Variants in ARID1B observed in about 807,000 individuals in gnomAD.
The protein encoded by ARID1B is AT-rich interaction domain 1B, also known as AT-rich interactive domain-containing protein 1B.
In ARID1B, 30 loss-of-function variants were observed where a neutral mutation model predicts 212.3. That is an observed-to-expected ratio of 0.14 (90% CI 0.11 to 0.19). ARID1B has a LOEUF of 0.19. ARID1B is among the 10% of genes least tolerant of loss of function. The probability of loss-of-function intolerance (pLI) is 1.00; values close to 1 mark genes in which losing one functional copy is unlikely to be tolerated. For missense variants in ARID1B, 2,891 were observed against 3,204.0 expected, an observed-to-expected ratio of 0.90 and a Z score of 2.36; for synonymous variants, 1,402 against 1,301.7, an observed-to-expected ratio of 1.08 and a Z score of -1.66.
Position 157,123,204 on chromosome 6 carries a change from C to G in ARID1B, c.2582-9824C>G, listed in dbSNP as rs191885846. Among the ~76,000 whole-genome samples, 293 of 149,032 alleles carry G rather than the reference C, an allele frequency of 2.0e-3. 1 individual carries two copies. Among genetic ancestry groups the G allele is most frequent in the African/African-American group, 6.0e-3 (244 of 40,394 alleles). ...TTTCTCTGTCTCTGTCTCTGTCTCTCTCTCAATCTTTCTTTCTCTCCCCCC... is the reference window on the plus strand; with the variant it reads ...TTTCTCTGTCTCTGTCTCTGTCTCTGTCTCAATCTTTCTTTCTCTCCCCCC... On this transcript the variant is annotated intron_variant, in intron 6 of 19. Transcript: ENST00000636930.
intron 2 of ARID1B, among the ~76,000 whole-genome samples, chr6:156,892,765 AACAG>A (rs1788039146): frequency 6.6e-6 from 1 of 152,238 alleles, no homozygotes; most frequent in African/African-American, 2.4e-5. Flanking sequence ...ATTTCATGCA[AACAG>A]ACCATATGGT....
At chr6:156,943,698 C>T (rs1014435151) in intron 4 of ARID1B, 13 of 151,730 alleles carry the variant, frequency 8.6e-5, no homozygotes, top group Non-Finnish European at 1.6e-4. Flanking sequence ...TCTAAAATTA[C>T]GTATATCATT....
intron 15 of ARID1B, among the ~76,000 whole-genome samples, chr6:157,191,250 C>A (rs1029341158): frequency 6.6e-6 from 1 of 151,862 alleles, no homozygotes; most frequent in South Asian, 2.1e-4. Context: ...GGGAACCCGC[C>A]GGCAGAGTGT....
chr6:157,153,078 A>C (rs776679716), intron 8 of ARID1B, among the ~76,000 whole-genome samples: 9 of 152,254 alleles, frequency 5.9e-5, no homozygotes, highest in Non-Finnish European at 1.2e-4. Flanking sequence ...GGTCAAGTAT[A>C]AGATAGTAGA....
At chr6:156,987,303 TTTCTAGTCAG>T (rs1298715022) in intron 4 of ARID1B, among the ~76,000 whole-genome samples, 5 of 152,192 alleles carry the variant, frequency 3.3e-5, no homozygotes, top group Non-Finnish European at 7.3e-5. Flanking sequence ...CTGTTTCCTT[TTTCTAGTCAG>T]TTTTCTAGAT....
At chr6:157,183,546 A>G (rs1032439341) in intron 12 of ARID1B, among the ~76,000 whole-genome samples, 1 of 152,230 alleles carries the variant, frequency 6.6e-6, no homozygotes, top group Non-Finnish European at 1.5e-5. Context: ...AAAAGGTTAA[A>G]ATAATGCCTC....
intron 3 of ARID1B, among the ~76,000 whole-genome samples, chr6:156,916,110 G>A (rs971582196): frequency 6.6e-6 from 1 of 152,132 alleles, no homozygotes; most frequent in East Asian, 1.9e-4. Context: ...AATTAGGATG[G>A]ATCTAGGTGA....
At chr6:156,871,205 G>T (rs1424379487) in intron 2 of ARID1B, among the ~76,000 whole-genome samples, 1 of 152,186 alleles carries the variant, frequency 6.6e-6, no homozygotes, top group African/African-American at 2.4e-5. Context: ...CCAGCCTGTG[G>T]TGTAGAAAAG....
intron 3 of ARID1B, among the ~76,000 whole-genome samples, chr6:156,905,856 C>G (rs1789334382): frequency 6.6e-6 from 1 of 151,952 alleles, no homozygotes; most frequent in East Asian, 1.9e-4. Context: ...AGAATTTTAT[C>G]TTTTGTTATT....
chr6:156,868,285 A>G (rs1341145475), intron 2 of ARID1B, among the ~76,000 whole-genome samples: 1 of 152,218 alleles, frequency 6.6e-6, no homozygotes, highest in East Asian at 1.9e-4. Context: ...CATCACTGAT[A>G]TATGTGGGTG....
intron 3 of ARID1B, among the ~76,000 whole-genome samples, chr6:156,910,650 T>C (rs1789801059): frequency 6.6e-6 from 1 of 152,160 alleles, no homozygotes; most frequent in South Asian, 2.1e-4. Flanking sequence ...GAAAACGCAT[T>C]TTATCCAGTA....
chr6:156,931,420 G>A (rs1791704563), intron 3 of ARID1B, among the ~76,000 whole-genome samples: 1 of 152,130 alleles, frequency 6.6e-6, no homozygotes, highest in African/African-American at 2.4e-5. Flanking sequence ...TCCTGTAGTA[G>A]AAGTGGGATA....
intron 4 of ARID1B, among the ~76,000 whole-genome samples, chr6:157,004,252 C>T (rs189000962): frequency 3.3e-5 from 5 of 152,150 alleles, no homozygotes; most frequent in East Asian, 3.9e-4. Flanking sequence ...GCACATGCTA[C>T]GATGTTTTCC....
intron 1 of ARID1B, among the ~76,000 whole-genome samples, chr6:156,828,959 C>G (rs1321929758): frequency 6.6e-6 from 1 of 152,212 alleles, no homozygotes; most frequent in African/African-American, 2.4e-5. Flanking sequence ...TGTTTTCTCT[C>G]TGCTTATGGT....
chr6:156,991,724 A>G (rs1055036646), intron 4 of ARID1B, among the ~76,000 whole-genome samples: 1 of 152,250 alleles, frequency 6.6e-6, no homozygotes, highest in Non-Finnish European at 1.5e-5. Context: ...ATTGGAACTT[A>G]GTATGTTTTC....
intron 1 of ARID1B, 97 bp downstream of exon 1, chr6:156,779,568 C>T (rs1399228767): frequency 3.6e-6 from 4 of 1,124,994 alleles, no homozygotes; most frequent in Admixed American, 4.8e-5. Flanking sequence ...CCCCGTCTTC[C>T]CGCGGGGGCG....
intron 4 of ARID1B, among the ~76,000 whole-genome samples, chr6:157,069,029 G>A (rs747556468): frequency 6.6e-6 from 1 of 152,046 alleles, no homozygotes; most frequent in Non-Finnish European, 1.5e-5. Context: ...CAGTCATAAG[G>A]GTTTCTCTTC....
In ARID1B at chr6:157,148,512, C is replaced by A; in HGVS notation, c.2762-112C>A. On this transcript the variant is annotated intron_variant, in intron 7 of 19. Coordinates refer to ENST00000636930, the MANE Select transcript of ARID1B (RefSeq NM_001374828.1). The surrounding 1 kb of genome is among the most constrained non-coding windows in gnomAD (Gnocchi z 5.6). ...CAGCAGCAACAGGAAGGGCCTATAA[C>A]GGTCATGACTAATACTCCGTGCTGA... The A allele has an allele frequency of 1.7e-6, 2 of 1,194,318 alleles. No individual in the cohort carries two copies. Among genetic ancestry groups the A allele is most frequent in the Admixed American group, 4.8e-5 (2 of 41,834 alleles). The allele number at this position is 1,194,318 out of a possible 1,614,324, so 74.0% of individuals were successfully genotyped here.
At chr6:156,822,266 C>T (rs1782402881) in intron 1 of ARID1B, among the ~76,000 whole-genome samples, 1 of 152,204 alleles carries the variant, frequency 6.6e-6, no homozygotes, top group Non-Finnish European at 1.5e-5. Context: ...ATTCGAAGTT[C>T]CAACGTGTTA....
Sources: gnomAD v4.1 joint callset for allele counts (sites outside exome capture counted in the v4.1 genomes callset) on GRCh38, gnomAD v4.1.1 for gene constraint, Gnocchi (gnomAD v3.1) non-coding constraint, MANE v1.5 for transcripts, NCBI Gene and HGNC (gene_info 2026-07-23, HGNC 2026-07-21) for gene names.